Variants in BNIP2 observed in about 807,000 individuals in gnomAD.
BNIP2 encodes BCL2 interacting protein 2, also known as BCL2/adenovirus E1B 19 kDa protein-interacting protein 2.
Under a neutral mutation model 43.4 loss-of-function variants are expected in BNIP2, and 36 were observed. That is an observed-to-expected ratio of 0.83 (90% CI 0.64 to 1.10). BNIP2 has a LOEUF of 1.10. Ranked by LOEUF, BNIP2 falls within the 50% of genes least tolerant of loss-of-function variation. The pLI is 0.00. For synonymous variants in BNIP2, 146 were observed against 121.0 expected (o/e 1.21, Z -1.35); for missense variants, 417 against 374.1 (o/e 1.11, Z -0.95).
At chr15:59,671,686 G>A (rs189884343) in intron 6 of BNIP2, among the ~76,000 whole-genome samples, 2 of 152,144 alleles carry the variant, frequency 1.3e-5, no homozygotes, top group Admixed American at 6.5e-5. Flanking sequence ...ACTAACCTGA[G>A]AAATAGAATG....
At chr15:59,686,470 T>C (rs1201461268) in intron 1 of BNIP2, among the ~76,000 whole-genome samples, 2 of 152,224 alleles carry the variant, frequency 1.3e-5, no homozygotes, top group Non-Finnish European at 2.9e-5. Context: ...TTAATACTGG[T>C]GCTGCAATAG....
chr15:59,669,330 A>G lies in BNIP2; in HGVS notation c.740T>C (p.Val247Ala). 1.3e-6 allele frequency: 2 copies of G among 1,546,188 alleles called. No homozygotes were observed. The highest frequency in any genetic ancestry group is 1.7e-6 in the Non-Finnish European group (2 of 1,152,890). Residue 247 changes from valine to alanine, a missense_variant, in exon 8 of 10, where the codon GTA (valine) becomes GCA (alanine). Val to Ala is a moderately conservative substitution (Grantham distance 64). Coordinates refer to ENST00000607373, the MANE Select transcript of BNIP2 (RefSeq NM_004330.4). ...TGTTCTGATAAACCAAGAAGGATGT[A>G]CAATGATTAGGGATTTTAGATTTTT... ...LRKNLKSLIIVHPSWFIRTLL... is the reference protein window; with the variant it reads ...LRKNLKSLIIAHPSWFIRTLL...
Position 59,672,720 on chromosome 15 carries a change from T to G in BNIP2, c.492A>C (p.Leu164Phe). 1 of 1,613,766 alleles carries G rather than the reference T, an allele frequency of 6.2e-7. No homozygotes were observed. Among genetic ancestry groups the G allele is most frequent in the African/African-American group, 1.3e-5 (1 of 75,064 alleles). Reference sequence around the variant, plus strand: ...AGACAGCAAACACAACAATGGCATTTAATCCATCCCCATAATATCCTAAAA... The same window carrying G: ...AGACAGCAAACACAACAATGGCATTGAATCCATCCCCATAATATCCTAAAA... ...ISHGGYYGDG[L>F]NAIVVFAVCF... Residue 164 changes from leucine (L) to phenylalanine (F), a missense_variant, in exon 6 of 10, where the codon TTA (leucine) becomes TTC (phenylalanine). Leu to Phe is a conservative substitution (Grantham distance 22). Coordinates refer to ENST00000607373, the MANE Select transcript of BNIP2 (RefSeq NM_004330.4).
chr15:59,666,410 T>G (rs1283097976), intron 9 of BNIP2, among the ~76,000 whole-genome samples: 3 of 152,116 alleles, frequency 2.0e-5, no homozygotes, highest in Non-Finnish European at 2.9e-5. Flanking sequence ...CTGACGCCTG[T>G]AATCCCAGCA....
chr15:59,664,316 C>G (rs567589928), intron 9 of BNIP2, among the ~76,000 whole-genome samples, 196 bp from the exon 10 acceptor site: 1 of 152,172 alleles, frequency 6.6e-6, no homozygotes, highest in African/African-American at 2.4e-5. Flanking sequence ...AGGACACTGG[C>G]AAGAAATGTG....
In BNIP2 at chr15:59,689,232, C is replaced by T; in HGVS notation, c.-155G>A. On this transcript the variant is annotated 5_prime_UTR_variant, in exon 1 of 10. Transcript: ENST00000607373. ...GCAAAAAGCAGGGCCGAGCGGAGCC[C>T]GCTCCCCTCGGTCGGCGGTGGAGAC... The T allele has an allele frequency of 2.6e-6, 4 of 1,541,844 alleles. No homozygotes were observed. The highest frequency in any genetic ancestry group is 3.5e-6 in the Non-Finnish European group (4 of 1,146,234).
rs114753117 is a variant in BNIP2, at chr15:59,677,900, G to T, written c.472+11C>A. 1.2e-4 allele frequency: 194 copies of T among 1,583,104 alleles called. 1 individual carries two copies. The African/African-American group carries it at 2.5e-3, about 21-fold the overall frequency. On this transcript the variant is annotated intron_variant, in intron 5 of 9. Transcript: ENST00000607373. ...CATTAAACAATCTGAAAAATCCTCA[G>T]TAACTCTTACCCCCATGGCTGATAA... is the stretch of plus-strand genomic sequence containing the variant.
At chr15:59,677,084 C>T (rs1478208469) in intron 5 of BNIP2, 3 of 1,609,680 alleles carry the variant, frequency 1.9e-6, no homozygotes, top group East Asian at 2.2e-5. Context: ...GCTAAGAAAG[C>T]ACTACCTTCA....
In BNIP2 at chr15:59,663,920, T is replaced by C. The variant is rs185528494; in HGVS notation, c.*149A>G. 222 of 598,348 alleles carry C rather than the reference T, an allele frequency of 3.7e-4. 1 individual carries two copies. Among genetic ancestry groups the C allele is most frequent in the South Asian group, 2.4e-3 (87 of 35,906 alleles). 37.1% of individuals were successfully genotyped at this position (598,348 alleles called of 1,614,324 possible). On this transcript the variant is annotated 3_prime_UTR_variant, in exon 10 of 10. Transcript: ENST00000607373. ...AACCAGTACAGCAGTGAACAGTCCC[T>C]TGTATAATACAAAAGTCCATTATGA... is the stretch of plus-strand genomic sequence containing the variant.
intron 2 of BNIP2, among the ~76,000 whole-genome samples, chr15:59,681,084 G>A (rs1893638397): frequency 6.6e-6 from 1 of 152,174 alleles, no homozygotes. Flanking sequence ...AATGTATGAA[G>A]CTCAATTTTT....
chr15:59,673,789 AC>A (rs1893087019), intron 5 of BNIP2, among the ~76,000 whole-genome samples: 3 of 152,124 alleles, frequency 2.0e-5, no homozygotes, highest in Admixed American at 2.0e-4. Flanking sequence ...AGAAATTAGG[AC>A]ATTAAAACTA....
chr15:59,687,959 T>C (rs1894125866), intron 1 of BNIP2, among the ~76,000 whole-genome samples: 2 of 152,168 alleles, frequency 1.3e-5, no homozygotes, highest in African/African-American at 4.8e-5. Context: ...CACTGGCAAT[T>C]TTATACAGAA....
intron 9 of BNIP2, among the ~76,000 whole-genome samples, chr15:59,668,563 T>C (rs1481611168): frequency 2.6e-5 from 4 of 152,250 alleles, no homozygotes; most frequent in Non-Finnish European, 5.9e-5. Flanking sequence ...TTGAGCACTA[T>C]GTTCAAGTTT....
intron 5 of BNIP2, chr15:59,676,731 G>C: frequency 8.4e-7 from 1 of 1,195,470 alleles, no homozygotes; most frequent in Non-Finnish European, 1.2e-6. Flanking sequence ...CGCGCGGTGC[G>C]GTGCGGGCGG....
rs60221060 is a variant in BNIP2 at position 59,678,480 on chromosome 15, C to A, written c.296-393G>T. ...GTTACTTCAAGTAGCTATCTGGGAG[C>A]CAATTTTGTTGTTGTTGAGCACATA... is the stretch of plus-strand genomic sequence containing the variant. On this transcript the variant is annotated intron_variant, in intron 4 of 9. Coordinates refer to ENST00000607373, the MANE Select transcript of BNIP2 (RefSeq NM_004330.4). The A allele has an allele frequency of 1.1e-4, 117 of 1,062,630 alleles. No individual in the cohort carries two copies. The East Asian group carries it at 8.9e-3, about 81-fold the overall frequency. 65.8% of individuals were successfully genotyped at this position (1,062,630 alleles called of 1,614,324 possible).
At chr15:59,686,899 C>G (rs1894051900) in intron 1 of BNIP2, among the ~76,000 whole-genome samples, 1 of 152,154 alleles carries the variant, frequency 6.6e-6, no homozygotes, top group Non-Finnish European at 1.5e-5. Context: ...GGCCTGTAAT[C>G]CAAGCGATCA....
In BNIP2 at chr15:59,680,266, A is replaced by G. The variant is rs141709697; in HGVS notation, c.93T>C (p.Ala31=). 11 of 1,602,810 alleles carry G rather than the reference A, an allele frequency of 6.9e-6. No individual in the cohort carries two copies. Among genetic ancestry groups the G allele is most frequent in the Non-Finnish European group, 8.5e-6 (10 of 1,173,694 alleles). ...CAGGCTGGTCCTCTGGTCCAGTTAT[A>G]GCTAGTATATCTGCTTCAATACTAT... ...EDDSIEADIL[A]ITGPEDQPGS... Residue 31 remains alanine, a synonymous_variant, in exon 3 of 10, where the codon GCT becomes GCC. Coordinates refer to ENST00000607373, the MANE Select transcript of BNIP2 (RefSeq NM_004330.4).
chr15:59,677,343 G>A, intron 5 of BNIP2: 4 of 1,553,148 alleles, frequency 2.6e-6, no homozygotes, highest in Middle Eastern at 2.3e-4. Flanking sequence ...CAGAAGGCCA[G>A]CATCGTCTTC....
intron 2 of BNIP2, among the ~76,000 whole-genome samples, chr15:59,681,069 G>A (rs528039911): frequency 4.6e-5 from 7 of 152,190 alleles, no homozygotes; most frequent in Non-Finnish European, 2.9e-5. Flanking sequence ...TGTGATGTAT[G>A]ATGCAATGTA....
Sources: allele counts gnomAD v4.1 joint callset (sites outside exome capture counted in the v4.1 genomes callset), GRCh38; gene constraint gnomAD v4.1.1; transcripts MANE v1.5; gene names NCBI Gene and HGNC (gene_info 2026-07-23, HGNC 2026-07-21).